The following SERINC3 variants were observed in gnomAD, a reference collection of about 807,000 sequenced individuals.
SERINC3 encodes the protein tumor differentially expressed protein 1.
In SERINC3, 22 loss-of-function variants were observed where a neutral mutation model predicts 52.1. The ratio of observed to expected loss-of-function variants is 0.42; its 90% CI spans 0.30 to 0.60. The LOEUF (loss-of-function observed/expected upper bound fraction) is 0.60, where lower values mean the gene tolerates loss of function less well. SERINC3 is among the 20% of genes least tolerant of loss of function. The pLI is 0.16. For missense variants in SERINC3, 564 were observed against 584.6 expected, an observed-to-expected ratio of 0.96 and a Z score of 0.36; for synonymous variants, 226 against 212.7, an observed-to-expected ratio of 1.06 and a Z score of -0.54.
At chr20:44,505,933 G>A (rs2064309663) in intron 6 of SERINC3, among the ~76,000 whole-genome samples, 1 of 152,058 alleles carries the variant, frequency 6.6e-6, no homozygotes. Context: ...AAGAGCATGA[G>A]TTTTGTTTTG....
intron 1 of SERINC3, among the ~76,000 whole-genome samples, chr20:44,519,772 CAA>C (rs1383247083): frequency 6.7e-6 from 1 of 149,278 alleles, no homozygotes; most frequent in East Asian, 2.0e-4. Flanking sequence ...GGTGACAGAG[CAA>C]AACTCTGTCC....
chr20:44,511,481 T>C (rs979223476), intron 3 of SERINC3, 113 bp from the exon 4 acceptor site: 1 of 669,956 alleles, frequency 1.5e-6, no homozygotes, highest in Non-Finnish European at 2.6e-6. Flanking sequence ...CCCAACATGA[T>C]TGTCTGGACT....
At position 44,513,014 on chromosome 20, in the gene SERINC3, A is replaced by G. The variant is rs569485287; in HGVS notation, c.202-20T>C. The G allele has an allele frequency of 1.4e-6, 2 of 1,462,446 alleles. No homozygotes were observed. Among genetic ancestry groups the G allele is most frequent in the Admixed American group, 2.8e-5 (1 of 35,208 alleles). The allele number at this position is 1,462,446 out of a possible 1,614,324, so 90.6% of individuals were successfully genotyped here. ...AGGAATCTGGAAAAAAGCAATTTCAATGTTACGAGAATATCTACATTTAGA... is the reference window on the plus strand; with the variant it reads ...AGGAATCTGGAAAAAAGCAATTTCAGTGTTACGAGAATATCTACATTTAGA... On this transcript the variant is annotated intron_variant, in intron 2 of 9. Coordinates refer to ENST00000342374, the MANE Select transcript of SERINC3 (RefSeq NM_006811.4).
At chr20:44,509,272 A>G (rs927408110) in intron 5 of SERINC3, among the ~76,000 whole-genome samples, 12 of 152,170 alleles carry the variant, frequency 7.9e-5, no homozygotes, top group African/African-American at 2.4e-4. Context: ...CTATCTGCCT[A>G]AAGTAGGTGG....
intron 8 of SERINC3, among the ~76,000 whole-genome samples, chr20:44,503,058 T>C (rs1022241720): frequency 1.3e-5 from 2 of 152,230 alleles, no homozygotes; most frequent in Non-Finnish European, 2.9e-5. Context: ...TACTAATAAC[T>C]AACTATAAAC....
In SERINC3 at chr20:44,509,886, C is replaced by T; in HGVS notation, c.613+5G>A. The T allele has an allele frequency of 6.2e-7, 1 of 1,613,976 alleles. No homozygotes were observed. Among genetic ancestry groups the T allele is most frequent in the Non-Finnish European group, 8.5e-7 (1 of 1,179,894 alleles). ...TGGCTAACATAGGTGAGTAGAGATA[C>T]CTACCAGCATACCACAACCTTGGGT... On this transcript the variant is annotated splice_donor_5th_base_variant and intron_variant, in intron 5 of 9. Coordinates refer to ENST00000342374, the MANE Select transcript of SERINC3 (RefSeq NM_006811.4).
At position 44,509,991 on chromosome 20, in the gene SERINC3, G is replaced by C; in HGVS notation, c.513C>G (p.Phe171Leu). 1 of 1,614,134 alleles carries C rather than the reference G, an allele frequency of 6.2e-7. No homozygotes were observed. The highest frequency in any genetic ancestry group is 8.5e-7 in the Non-Finnish European group (1 of 1,179,974). Residue 171 changes from phenylalanine to leucine, a missense_variant, in exon 5 of 10, where the codon TTC becomes TTG. Physicochemically the swap from Phe to Leu is conservative, Grantham distance 22. Coordinates refer to ENST00000342374, the MANE Select transcript of SERINC3 (RefSeq NM_006811.4). ...FVVGMIGAAL[F>L]ILIQLVLLVD... Reference sequence around the variant, plus strand: ...CCAGCAGCACCAGCTGAATGAGGATGAAGAGGGCGGCCCCTATCATGCCAA... The same window carrying C: ...CCAGCAGCACCAGCTGAATGAGGATCAAGAGGGCGGCCCCTATCATGCCAA...
intron 1 of SERINC3, among the ~76,000 whole-genome samples, chr20:44,520,043 G>C (rs1310079889): frequency 6.6e-6 from 1 of 152,112 alleles, no homozygotes; most frequent in Non-Finnish European, 1.5e-5. Flanking sequence ...AGGGGCTGAA[G>C]GTTAGGTCAG....
intron 5 of SERINC3, among the ~76,000 whole-genome samples, chr20:44,508,771 A>C (rs902026325): frequency 6.6e-6 from 1 of 152,242 alleles, no homozygotes; most frequent in Admixed American, 6.5e-5. Flanking sequence ...CATACAGTAC[A>C]ATCCTGTTTA....
chr20:44,502,112 T>C (rs531031949), intron 8 of SERINC3, among the ~76,000 whole-genome samples: 8 of 152,290 alleles, frequency 5.3e-5, no homozygotes, highest in African/African-American at 1.4e-4. Context: ...AACAATGTAG[T>C]AAAATTCTAG....
intron 1 of SERINC3, among the ~76,000 whole-genome samples, chr20:44,516,261 C>T (rs771058120): frequency 2.0e-4 from 30 of 151,996 alleles, no homozygotes; most frequent in Non-Finnish European, 4.3e-4. Flanking sequence ...AAGATTGTGC[C>T]ACTGCACTCC....
At chr20:44,520,961 C>A (rs1049727872) in intron 1 of SERINC3, among the ~76,000 whole-genome samples, 13 of 152,228 alleles carry the variant, frequency 8.5e-5, no homozygotes, top group Admixed American at 3.3e-4. Flanking sequence ...TGAGACTGAG[C>A]CCTCCACTTG....
chr20:44,515,640 C>A (rs555593290), intron 1 of SERINC3, among the ~76,000 whole-genome samples: 5 of 151,882 alleles, frequency 3.3e-5, no homozygotes, highest in Non-Finnish European at 5.9e-5. Context: ...GTACTAAATG[C>A]CACTATACGC....
Position 44,513,989 on chromosome 20 carries a change from T to G in SERINC3, c.91A>C (p.Asn31His). Residue 31 changes from asparagine to histidine, a missense_variant, in exon 2 of 10, where the codon AAC becomes CAC. Physicochemically the swap from Asn to His is moderately conservative, Grantham distance 68 (BLOSUM62 1). Transcript: ENST00000342374. ...CGAGTCACCGTGGAATTCTTACTGT[T>G]AGGACAGCAACTACACAGCAAACAT... Reference protein sequence around the residue: ...ASCLLCSCCPNSKNSTVTRLI... With the variant: ...ASCLLCSCCPHSKNSTVTRLI... 1.2e-6 allele frequency: 2 copies of G among 1,614,136 alleles called. No homozygotes were observed. The highest frequency in any genetic ancestry group is 8.5e-7 in the Non-Finnish European group (1 of 1,180,014).
At chr20:44,505,628 C>T (rs1260656746) in intron 6 of SERINC3, among the ~76,000 whole-genome samples, 1 of 149,072 alleles carries the variant, frequency 6.7e-6, no homozygotes, top group Non-Finnish European at 1.5e-5. Context: ...GCTGGAGTTT[C>T]GCTCTTATTG....
intron 1 of SERINC3, among the ~76,000 whole-genome samples, chr20:44,521,232 A>G (rs1006918692): frequency 2.6e-5 from 4 of 152,268 alleles, no homozygotes; most frequent in African/African-American, 2.4e-5. Flanking sequence ...GAGGGAACTC[A>G]GCATATTCTT....
At position 44,503,940 on chromosome 20, in the gene SERINC3, G is replaced by T. The variant is rs768676418; in HGVS notation, c.930C>A (p.Thr310=). ...MSFITRITAP[T]LAPGNSTAVV... is the part of the protein sequence containing the mutation. ...CAGCAGTTGAATTTCCAGGAGCCAGGGTTGGTGCAGTTATGCGTGTAATAA... is the reference window on the plus strand; with the variant it reads ...CAGCAGTTGAATTTCCAGGAGCCAGTGTTGGTGCAGTTATGCGTGTAATAA... The change falls in exon 8 of 10, where the codon ACC becomes ACA. Residue 310 remains threonine (T), a synonymous_variant. Coordinates refer to ENST00000342374, the MANE Select transcript of SERINC3 (RefSeq NM_006811.4). 2.5e-6 allele frequency: 4 copies of T among 1,606,574 alleles called. No individual in the cohort carries two copies. The South Asian group carries it at 4.5e-5, about 18-fold the overall frequency.
intron 1 of SERINC3, among the ~76,000 whole-genome samples, chr20:44,521,439 T>A (rs2064415720): frequency 6.6e-6 from 1 of 152,218 alleles, no homozygotes; most frequent in Non-Finnish European, 1.5e-5. Flanking sequence ...TTCTTTCCCT[T>A]GCACCTGAAC....
downstream of SERINC3, among the ~76,000 whole-genome samples, chr20:44,497,151 T>A (rs2064253264): frequency 6.6e-6 from 1 of 152,186 alleles, no homozygotes; most frequent in Non-Finnish European, 1.5e-5. Flanking sequence ...TTCATAGTGA[T>A]GAAACATAAA....
Sources: gnomAD v4.1 joint callset for allele counts (sites outside exome capture counted in the v4.1 genomes callset) on GRCh38, gnomAD v4.1.1 for gene constraint, MANE v1.5 for transcripts, NCBI Gene and HGNC (gene_info 2026-07-23, HGNC 2026-07-21) for gene names.